Variants in PIEZO1 observed in about 807,000 individuals in gnomAD.
PIEZO1 encodes piezo type mechanosensitive ion channel component 1 (Er blood group), also known as piezo-type mechanosensitive ion channel component 1.
A neutral mutation model predicts 297.2 loss-of-function variants in PIEZO1; 296 were observed. The ratio of observed to expected loss-of-function variants is 1.00; its 90% CI spans 0.91 to 1.10. The LOEUF (loss-of-function observed/expected upper bound fraction) is 1.10. Among genes scored for constraint, PIEZO1 ranks in the 50% least tolerant of loss-of-function variants. The probability of loss-of-function intolerance (pLI) is 0.00; values close to 1 mark genes in which losing one functional copy is unlikely to be tolerated. For synonymous variants in PIEZO1, 2,427 were observed against 1,507.5 expected (o/e 1.61, Z -14.13); for missense variants, 5,018 against 3,455.5 (o/e 1.45, Z -11.34).
chr16:88,737,257 G>T, intron 10 of PIEZO1: 5 of 363,828 alleles, frequency 1.4e-5, no homozygotes, highest in South Asian at 1.4e-4. Context: ...AGACAGCATA[G>T]CCACATTCTC....
chr16:88,764,512 G>C (rs999657540), intron 1 of PIEZO1, among the ~76,000 whole-genome samples: 2 of 151,934 alleles, frequency 1.3e-5, no homozygotes, highest in Non-Finnish European at 2.9e-5. Flanking sequence ...CAACACTTTG[G>C]GAAGCTAAGG....
chr16:88,726,135 C>T (rs780674067), intron 27 of PIEZO1, 149 bp downstream of exon 27: 22 of 662,080 alleles, frequency 3.3e-5, no homozygotes, highest in Non-Finnish European at 5.1e-5. Context: ...ATCTGCCGGC[C>T]TTCATTCTCC....
chr16:88,776,536 C>A (rs1203714363), intron 1 of PIEZO1, among the ~76,000 whole-genome samples: 1 of 152,074 alleles, frequency 6.6e-6, no homozygotes, highest in African/African-American at 2.4e-5. Context: ...GCTGCCCCAG[C>A]CTTTGGGCGG....
rs750436228 is a variant in PIEZO1 at position 88,720,056 on chromosome 16, C to T, written c.6164+13G>A. On this transcript the variant is annotated intron_variant, in intron 42 of 50. Transcript: ENST00000301015. ...CGCCCCTGGAGACCGAGCGCCCCCA[C>T]GCGTGGGCCCACCTCTCAGTGACGG... 47 of 1,549,976 alleles carry T rather than the reference C, an allele frequency of 3.0e-5. No homozygotes were observed. Among genetic ancestry groups the T allele is most frequent in the South Asian group, 7.1e-5 (6 of 84,058 alleles).
chr16:88,739,508 C>G (rs970273616), intron 5 of PIEZO1: 1 of 152,254 alleles, frequency 6.6e-6, no homozygotes, highest in South Asian at 2.1e-4. Flanking sequence ...GCGCCAGGTG[C>G]CCGGGCTGAG....
At chr16:88,728,359 G>A (rs1904603905) in intron 22 of PIEZO1, among the ~76,000 whole-genome samples, 4 of 152,232 alleles carry the variant, frequency 2.6e-5, no homozygotes, top group Admixed American at 2.0e-4. Flanking sequence ...AGCCCCATCT[G>A]CCACAGAGGG....
At chr16:88,760,316 C>T (rs577443077) in intron 1 of PIEZO1, among the ~76,000 whole-genome samples, 7 of 152,250 alleles carry the variant, frequency 4.6e-5, no homozygotes, top group Non-Finnish European at 1.0e-4. Flanking sequence ...AGCCCCTCTT[C>T]CTGCCTCATG....
In PIEZO1 at chr16:88,722,265, A is replaced by G; in HGVS notation, c.4908T>C (p.Ser1636=). ...TDPGEREAGA[S]LYQGLMRTAS... ...CCGTCCGCATCAGTCCCTGGTACAGAGAGGCACCAGCCTCACGCTCCCCGG... is the reference window on the plus strand; with the variant it reads ...CCGTCCGCATCAGTCCCTGGTACAGGGAGGCACCAGCCTCACGCTCCCCGG... The change falls in exon 36 of 51, where the codon TCT becomes TCC. Residue 1636 remains serine, a synonymous_variant. Transcript: ENST00000301015. The G allele has an allele frequency of 1.3e-6, 2 of 1,548,478 alleles. No individual in the cohort carries two copies. Among genetic ancestry groups the G allele is most frequent in the Non-Finnish European group, 1.7e-6 (2 of 1,146,798 alleles).
intron 1 of PIEZO1, among the ~76,000 whole-genome samples, chr16:88,751,470 G>A (rs1043609327): frequency 4.6e-5 from 7 of 152,212 alleles, no homozygotes; most frequent in Non-Finnish European, 8.8e-5. Context: ...ACGGGCTCAA[G>A]GCGGCCTCGG....
chr16:88,717,909 C>G (rs1041615411), intron 44 of PIEZO1: 10 of 392,732 alleles, frequency 2.5e-5, no homozygotes, highest in South Asian at 3.7e-5. Context: ...GAGTTTGAGA[C>G]GAACCTGGCC....
At chr16:88,742,689 A>C (rs1597465920) in intron 2 of PIEZO1, 4 of 482,672 alleles carry the variant, frequency 8.3e-6, no homozygotes, top group Non-Finnish European at 1.5e-5. Context: ...AAGGCCTCCC[A>C]GGCTCAGAGG....
chr16:88,760,075 G>A (rs1207096406), intron 1 of PIEZO1, among the ~76,000 whole-genome samples: 1 of 151,988 alleles, frequency 6.6e-6, no homozygotes, highest in East Asian at 1.9e-4. Flanking sequence ...CCTGGTCCAC[G>A]CCTGGCCCAC....
Position 88,726,607 on chromosome 16 carries a change from C to A in PIEZO1, c.3736G>T (p.Gly1246Cys). The stretch of plus-strand genomic sequence containing the variant: ...AAGAGCTGGATGACCCAGCAGAAGC[C>A]GGTCTGCATCTGCTCCACGAAGACG... ...ACVFVEQMQT[G>C]FCWVIQLFSL... Residue 1246 changes from glycine to cysteine, a missense_variant, in exon 26 of 51, where the codon GGC becomes TGC. Transcript: ENST00000301015. The A allele has an allele frequency of 6.8e-7, 1 of 1,478,156 alleles. No individual in the cohort carries two copies. The highest frequency in any genetic ancestry group is 9.1e-7 in the Non-Finnish European group (1 of 1,104,298). The allele number at this position is 1,478,156 out of a possible 1,614,324, so 91.6% of individuals were successfully genotyped here. A position where few individuals can be genotyped will look rare whatever the true frequency, so the allele number is the denominator to read the frequency against.
At position 88,733,635 on chromosome 16, in the gene PIEZO1, C is replaced by A. The variant is rs753334715; in HGVS notation, c.2440G>T (p.Val814Phe). ...GTGTACAGGGCCACCAGCTTGAAAA[C>A]GTGAAGCTCCAGCAGCCGCCGCAGG... Reference protein sequence around the residue: ...VFLRRLLELHVFKLVALYTVW... With the variant: ...VFLRRLLELHFFKLVALYTVW... The change falls in exon 18 of 51, where the codon GTT (valine) becomes TTT (phenylalanine). Residue 814 changes from valine (V) to phenylalanine (F), a missense_variant. Physicochemically the swap from Val to Phe is conservative, Grantham distance 50. Transcript: ENST00000301015. 1 of 1,549,632 alleles carries A rather than the reference C, an allele frequency of 6.5e-7. No homozygotes were observed. Among genetic ancestry groups the A allele is most frequent in the Admixed American group, 2.0e-5 (1 of 50,940 alleles).
chr16:88,734,152 T>C, intron 16 of PIEZO1, 98 bp from the exon 17 acceptor site: 6 of 1,410,198 alleles, frequency 4.3e-6, no homozygotes, highest in Non-Finnish European at 5.7e-6. Flanking sequence ...CTGCTGCAGC[T>C]GCCAGTTCAG....
Position 88,726,838 on chromosome 16 carries a change from G to A in PIEZO1, c.3576C>T (p.Ala1192=), listed in dbSNP as rs746570281. Residue 1192 remains alanine (A), a synonymous_variant, in exon 25 of 51, where the codon GCC becomes GCT. Coordinates refer to ENST00000301015, the MANE Select transcript of PIEZO1 (RefSeq NM_001142864.4). The part of the protein sequence containing the change: ...ISIFGLGYLL[A]CFYLLLFGTA... ...TGCCGAAGAGCAGCAGGTAGAAGCA[G>A]GCCAGCAGGTAGCCCAGCCCGAAGA... 66 of 1,550,274 alleles carry A rather than the reference G, an allele frequency of 4.3e-5. No homozygotes were observed. The highest frequency in any genetic ancestry group is 5.1e-5 in the Non-Finnish European group (59 of 1,146,960).
At chr16:88,734,294 C>T (rs1433128255) in intron 16 of PIEZO1, 62 bp downstream of exon 16, 2 of 1,404,246 alleles carry the variant, frequency 1.4e-6, no homozygotes, top group African/African-American at 2.9e-5. Flanking sequence ...TCCCACCTGG[C>T]TCCCTCCCTG....
At chr16:88,719,249 C>T (rs949275624) in intron 44 of PIEZO1, 4 of 313,768 alleles carry the variant, frequency 1.3e-5, no homozygotes, top group East Asian at 7.2e-5. Context: ...GTCTGACGCA[C>T]GAATTCTCTC....
chr16:88,726,132 G>A (rs754581202), intron 27 of PIEZO1, 152 bp downstream of exon 27: 16 of 643,294 alleles, frequency 2.5e-5, no homozygotes, highest in African/African-American at 9.1e-5. Flanking sequence ...GGGATCTGCC[G>A]GCCTTCATTC....
Sources: allele counts gnomAD v4.1 joint callset (sites outside exome capture counted in the v4.1 genomes callset), GRCh38; gene constraint gnomAD v4.1.1; transcripts MANE v1.5; gene names NCBI Gene and HGNC (gene_info 2026-07-23, HGNC 2026-07-21).